DLGAP1: variants seen among roughly 807,000 people sequenced by gnomAD.
DLGAP1 encodes DLG associated protein 1.
A neutral mutation model predicts 90.8 loss-of-function variants in DLGAP1; 11 were observed. The observed-to-expected ratio is 0.12, with a 90% confidence interval of 0.08 to 0.20. The LOEUF (loss-of-function observed/expected upper bound fraction) is 0.20. Ranked by LOEUF, DLGAP1 falls within the 10% of genes least tolerant of loss-of-function variation. The pLI, the probability that DLGAP1 is intolerant of heterozygous loss-of-function variation, is 1.00. For synonymous variants in DLGAP1, 558 were observed against 540.7 expected (o/e 1.03, Z -0.44); for missense variants, 1,050 against 1,333.8 (o/e 0.79, Z 3.31).
intron 7 of DLGAP1, among the ~76,000 whole-genome samples, chr18:3,708,956 G>A (rs913798633): frequency 1.3e-5 from 2 of 152,134 alleles, no homozygotes; most frequent in African/African-American, 4.8e-5. Flanking sequence ...CTCTTCAAAA[G>A]CCTACAGTTT....
chr18:3,741,115 C>CACCACCACCACCATCACCATCACCAT, intron 6 of DLGAP1, among the ~76,000 whole-genome samples: 1 of 92,506 alleles, frequency 1.1e-5, no homozygotes, highest in Non-Finnish European at 2.2e-5. Context: ...ACCATCACCA[C>CACCACCACCACCATCACCATCACCAT]CACCATCACC....
chr18:4,256,022 A>T (rs2078881051), intron 1 of DLGAP1, among the ~76,000 whole-genome samples: 2 of 152,192 alleles, frequency 1.3e-5, no homozygotes, highest in Non-Finnish European at 2.9e-5. Flanking sequence ...GGGCTCTGAC[A>T]ACTCAAGGCA....
At chr18:4,382,275 C>CAT (rs776880738) in intron 1 of DLGAP1, among the ~76,000 whole-genome samples, 1 of 152,218 alleles carries the variant, frequency 6.6e-6, no homozygotes, top group African/African-American at 2.4e-5. Flanking sequence ...TTAATTTCTT[C>CAT]ATATATATAA....
intron 4 of DLGAP1, among the ~76,000 whole-genome samples, chr18:3,816,860 G>A (rs557088558): frequency 1.3e-5 from 2 of 152,282 alleles, no homozygotes; most frequent in Admixed American, 1.3e-4. Context: ...AGCAATTATA[G>A]TCCCGGACAC....
intron 1 of DLGAP1, among the ~76,000 whole-genome samples, chr18:4,350,474 C>A (rs1567853245): frequency 6.6e-6 from 1 of 152,076 alleles, no homozygotes. Context: ...ATATAATTTT[C>A]TCTTAATTAT....
chr18:3,902,482 T>A (rs1474684562), intron 3 of DLGAP1, among the ~76,000 whole-genome samples: 1 of 152,188 alleles, frequency 6.6e-6, no homozygotes, highest in East Asian at 1.9e-4. Flanking sequence ...CAATAAATGC[T>A]CATTTGATGG....
chr18:4,018,945 C>G (rs186480771), intron 2 of DLGAP1, among the ~76,000 whole-genome samples: 199 of 152,294 alleles, frequency 1.3e-3, no homozygotes, highest in Non-Finnish European at 2.3e-3. Flanking sequence ...AAGAATTTGA[C>G]AGAAAAACTC....
intron 1 of DLGAP1, among the ~76,000 whole-genome samples, chr18:4,394,755 T>A (rs2082405879): frequency 6.6e-6 from 1 of 152,224 alleles, no homozygotes; most frequent in African/African-American, 2.4e-5. Flanking sequence ...ATTTTGATGA[T>A]CACGGAAATT....
At chr18:3,547,764 A>G (rs1026509843) in intron 9 of DLGAP1, among the ~76,000 whole-genome samples, 1 of 151,594 alleles carries the variant, frequency 6.6e-6, no homozygotes, top group Non-Finnish European at 1.5e-5. Flanking sequence ...TTTAAAACAG[A>G]TGTTCAAAGA....
At chr18:4,371,390 T>G (rs2081913007) in intron 1 of DLGAP1, among the ~76,000 whole-genome samples, 1 of 152,206 alleles carries the variant, frequency 6.6e-6, no homozygotes, top group Admixed American at 6.5e-5. Context: ...AACATCTTGG[T>G]TTTAGAACTT....
intron 4 of DLGAP1, among the ~76,000 whole-genome samples, chr18:3,860,415 A>C (rs2069973629): frequency 6.6e-6 from 1 of 152,232 alleles, no homozygotes; most frequent in Non-Finnish European, 1.5e-5. Context: ...TTCTTTTGAC[A>C]ACCCTGTATG....
intron 8 of DLGAP1, chr18:3,580,397 G>C: frequency 6.2e-7 from 1 of 1,613,834 alleles, no homozygotes; most frequent in South Asian, 1.1e-5. Context: ...TAAGCACCAG[G>C]TGGACAGCTC....
chr18:3,787,075 CA>C (rs1370702732), intron 5 of DLGAP1, among the ~76,000 whole-genome samples: 2 of 152,078 alleles, frequency 1.3e-5, no homozygotes, highest in African/African-American at 4.8e-5. Context: ...ATGAGTATTA[CA>C]AGAGAACTTA....
intron 1 of DLGAP1, among the ~76,000 whole-genome samples, chr18:4,348,223 C>T (rs1265147403): frequency 6.6e-6 from 1 of 151,938 alleles, no homozygotes; most frequent in Admixed American, 6.6e-5. Context: ...GAAGATTAAG[C>T]AAATAATTAA....
At chr18:3,716,741 C>A (rs534657284) in intron 7 of DLGAP1, among the ~76,000 whole-genome samples, 127 of 151,916 alleles carry the variant, frequency 8.4e-4, no homozygotes, top group South Asian at 6.2e-3. Context: ...TGTACAAAAA[C>A]ACACTATTTT....
At chr18:4,159,103 T>C (rs892313550) in intron 1 of DLGAP1, among the ~76,000 whole-genome samples, 3 of 152,198 alleles carry the variant, frequency 2.0e-5, no homozygotes, top group African/African-American at 7.2e-5. Context: ...TTCTGAACAA[T>C]TGCACATTAT....
chr18:3,866,186 A>G (rs1430545422), intron 4 of DLGAP1, among the ~76,000 whole-genome samples: 1 of 152,138 alleles, frequency 6.6e-6, no homozygotes, highest in South Asian at 2.1e-4. Context: ...CTTTTTAATG[A>G]AGGGCAGGGC....
chr18:3,697,944 T>C (rs117099955), intron 7 of DLGAP1, among the ~76,000 whole-genome samples: 23,763 of 152,170 alleles, frequency 0.16, 2,265 homozygotes, highest in East Asian at 0.44. Context: ...TGTAATGCCC[T>C]TCTTAGTCTT....
chr18:4,425,849 C>G (rs1192304122), intron 1 of DLGAP1, among the ~76,000 whole-genome samples: 5 of 152,118 alleles, frequency 3.3e-5, no homozygotes, highest in Non-Finnish European at 7.4e-5. Context: ...GAGTTACTTT[C>G]ATAAAGTCAT....
Sources: allele counts gnomAD v4.1 joint callset (sites outside exome capture counted in the v4.1 genomes callset), GRCh38; gene constraint gnomAD v4.1.1; transcripts MANE v1.5; gene names NCBI Gene and HGNC (gene_info 2026-07-23, HGNC 2026-07-21).